Variants in TMOD1 observed in about 807,000 individuals in gnomAD.
TMOD1 encodes the protein tropomodulin-1.
A neutral mutation model predicts 40.6 loss-of-function variants in TMOD1; 17 were observed. The observed-to-expected ratio is 0.42, with a 90% CI of 0.29 to 0.63. The LOEUF (loss-of-function observed/expected upper bound fraction) is 0.63. Ranked by LOEUF, TMOD1 falls within the 20% of genes least tolerant of loss-of-function variation. The pLI, the probability that TMOD1 is intolerant of heterozygous loss-of-function variation, is 0.22. For missense variants in TMOD1, 391 were observed against 447.6 expected, an observed-to-expected ratio of 0.87 and a Z score of 1.14; for synonymous variants, 181 against 175.0, an observed-to-expected ratio of 1.03 and a Z score of -0.27.
At chr9:97,549,906 T>G (rs979111633) in intron 3 of TMOD1, among the ~76,000 whole-genome samples, 2 of 152,146 alleles carry the variant, frequency 1.3e-5, no homozygotes, top group Admixed American at 6.6e-5. Flanking sequence ...TTTTGTAAAT[T>G]GAGGTAAAAC....
In TMOD1 at chr9:97,598,615, C is replaced by G. The variant is rs571218193; in HGVS notation, c.1016-1019C>G. Among the ~76,000 whole-genome samples the G allele has an allele frequency of 2.8e-4, 43 of 152,334 alleles. 1 individual carries two copies. In the South Asian group the frequency reaches 8.7e-3, roughly 31 times the overall value. ...GGTTTTGGTTTTTGTCCCCTCACAT[C>G]TACCCCCAAGAAGTTGGACATTCTG... On this transcript the variant is annotated intron_variant, in intron 9 of 9. Coordinates refer to ENST00000259365, the MANE Select transcript of TMOD1 (RefSeq NM_003275.4).
chr9:97,588,538 G>C (rs79493365), intron 8 of TMOD1, among the ~76,000 whole-genome samples: 1 of 151,992 alleles, frequency 6.6e-6, no homozygotes, highest in African/African-American at 2.4e-5. Context: ...CCCATTCTTT[G>C]TGTTGTCTTT....
rs191370083 is a variant in TMOD1, at chr9:97,601,001, G to A, written c.*1303G>A. 206 of 1,281,072 alleles carry A rather than the reference G, an allele frequency of 1.6e-4. No homozygotes were observed. Among genetic ancestry groups the A allele is most frequent in the Non-Finnish European group, 1.7e-4 (170 of 974,978 alleles). The allele number at this position is 1,281,072 out of a possible 1,614,324, so 79.4% of individuals were successfully genotyped here. A position where few individuals can be genotyped will look rare whatever the true frequency, so the allele number is the denominator to read the frequency against. ...AAGGTCAAGAACTCCAGAGCACTGA[G>A]CAGAGAGGCTGGTGATGAAAAGGTG... On this transcript the variant is annotated 3_prime_UTR_variant, in exon 10 of 10. Coordinates refer to ENST00000259365, the MANE Select transcript of TMOD1 (RefSeq NM_003275.4).
chr9:97,573,577 C>T (rs1302118907), intron 8 of TMOD1, among the ~76,000 whole-genome samples: 1 of 152,186 alleles, frequency 6.6e-6, no homozygotes, highest in African/African-American at 2.4e-5. Flanking sequence ...CATGTATTAA[C>T]TCACCATTTC....
At chr9:97,563,913 C>A (rs181541856) in intron 5 of TMOD1, 125 bp from the exon 6 acceptor site, 184 of 1,282,962 alleles carry the variant, frequency 1.4e-4, no homozygotes, top group Non-Finnish European at 1.9e-4. Context: ...CCCCACCCAG[C>A]CCCTGTGATG....
chr9:97,510,190 G>A (rs2131207696), intron 1 of TMOD1, among the ~76,000 whole-genome samples: 1 of 152,032 alleles, frequency 6.6e-6, no homozygotes, highest in African/African-American at 2.4e-5. Flanking sequence ...TTTGTAAAAT[G>A]GAGAATGAGG....
In TMOD1 at chr9:97,600,642, T is replaced by G; in HGVS notation, c.*944T>G. The G allele has an allele frequency of 1.0e-6, 1 of 989,954 alleles. No individual in the cohort carries two copies. Among genetic ancestry groups the G allele is most frequent in the Non-Finnish European group, 1.2e-6 (1 of 832,808 alleles). The allele number at this position is 989,954 out of a possible 1,614,324, so 61.3% of individuals were successfully genotyped here. On this transcript the variant is annotated 3_prime_UTR_variant, in exon 10 of 10. Coordinates refer to ENST00000259365, the MANE Select transcript of TMOD1 (RefSeq NM_003275.4). Reference sequence around the variant, plus strand: ...CCAGCTTAGAGACTTCAGCTACTGATCTCATCACTTATTAGACAAATTGCT... The same window carrying G: ...CCAGCTTAGAGACTTCAGCTACTGAGCTCATCACTTATTAGACAAATTGCT...
rs75553738 is a variant in TMOD1, at chr9:97,509,111, C to T, written c.-49+7308C>T. ...CCAGATGGAATCAACCCTGCTGACA[C>T]CTCGATTTTGGACTTCTGGTCCTCT... On this transcript the variant is annotated intron_variant, in intron 1 of 9. Transcript: ENST00000259365. 9.1e-3 allele frequency among the ~76,000 whole-genome samples: 1,383 copies of T among 152,276 alleles called. 40 individuals carry two copies. The East Asian group carries it at 0.1, about 11-fold the overall frequency.
chr9:97,562,088 T>TG lies in TMOD1; in HGVS notation c.398-641dup, dbSNP rs537671562. Reference sequence around the variant, plus strand: ...CAGAGCCTAGCACACAGTGCTGGGGTGGGCCTCATTACATGTTGAACAAAT... The same window carrying TG: ...CAGAGCCTAGCACACAGTGCTGGGGTGGGGCCTCATTACATGTTGAACAAAT... On this transcript the variant is annotated intron_variant, in intron 4 of 9. Transcript: ENST00000259365. Among the ~76,000 whole-genome samples, 20 of 152,134 alleles carry TG rather than the reference T, an allele frequency of 1.3e-4. No individual in the cohort carries two copies. In the East Asian group the frequency reaches 3.1e-3, roughly 24 times the overall value.
chr9:97,587,425 G>A (rs1825903595), intron 8 of TMOD1, among the ~76,000 whole-genome samples: 2 of 152,164 alleles, frequency 1.3e-5, no homozygotes, highest in African/African-American at 2.4e-5. Flanking sequence ...TGATAGGTAT[G>A]TAGTGATATC....
At chr9:97,579,583 G>A (rs965767167) in intron 8 of TMOD1, among the ~76,000 whole-genome samples, 2 of 152,196 alleles carry the variant, frequency 1.3e-5, no homozygotes, top group Non-Finnish European at 2.9e-5. Flanking sequence ...ACTGTGCCCG[G>A]CTACCAGTGG....
chr9:97,559,879 G>A (rs1830611589), intron 4 of TMOD1, among the ~76,000 whole-genome samples: 1 of 139,420 alleles, frequency 7.2e-6, no homozygotes, highest in Non-Finnish European at 1.5e-5. Context: ...GTTGGTCCAG[G>A]ATGGAGAGAG....
Position 97,559,772 on chromosome 9 carries a change from TAA to T in TMOD1, c.398-2938_398-2937del, listed in dbSNP as rs58522887. Among the ~76,000 whole-genome samples, 283 of 36,850 alleles carry T rather than the reference TAA, an allele frequency of 7.7e-3. 5 individuals are homozygous for T. The highest frequency in any genetic ancestry group is 0.045 in the Middle Eastern group (3 of 66). The allele number at this position is 36,850 out of a possible 152,430, so 24.2% of individuals were successfully genotyped here. A position where few individuals can be genotyped will look rare whatever the true frequency, so the allele number is the denominator to read the frequency against. On this transcript the variant is annotated intron_variant, in intron 4 of 9. Transcript: ENST00000259365. The stretch of plus-strand genomic sequence containing the variant: ...AGAGCGAGACTCCGCCTCAAAAATT[TAA>T]AAAAAAAAAAAAAAAAAAAAATATA...
chr9:97,577,630 A>G (rs1825640812), intron 8 of TMOD1, among the ~76,000 whole-genome samples: 1 of 151,882 alleles, frequency 6.6e-6, no homozygotes, highest in Admixed American at 6.6e-5. Context: ...TCTACTAAAA[A>G]TACAAAAATT....
At chr9:97,510,470 A>C (rs543803723) in intron 1 of TMOD1, among the ~76,000 whole-genome samples, 2 of 152,312 alleles carry the variant, frequency 1.3e-5, no homozygotes, top group South Asian at 2.1e-4. Context: ...ACCTCAGGGG[A>C]TCCACCCACG....
rs556557740 is a variant in TMOD1 at position 97,514,407 on chromosome 9, C to T, written c.-48-9734C>T. ...TGTTGGGATTACAGGCGTGAACCAC[C>T]GCACCTGGCCGAAATTCTTAATAAT... On this transcript the variant is annotated intron_variant, in intron 1 of 9. Coordinates refer to ENST00000259365, the MANE Select transcript of TMOD1 (RefSeq NM_003275.4). 5.9e-5 allele frequency among the ~76,000 whole-genome samples: 9 copies of T among 152,078 alleles called. No homozygotes were observed. In the East Asian group the frequency reaches 7.7e-4, roughly 13 times the overall value.
chr9:97,597,139 G>C (rs1215626270), intron 9 of TMOD1, among the ~76,000 whole-genome samples: 2 of 152,232 alleles, frequency 1.3e-5, no homozygotes, highest in African/African-American at 4.8e-5. Flanking sequence ...GACGACTGGA[G>C]AGCCCTTCTG....
chr9:97,564,319 C>A, intron 6 of TMOD1, 151 bp downstream of exon 6: 1 of 1,055,590 alleles, frequency 9.5e-7, no homozygotes, highest in Non-Finnish European at 1.3e-6. Flanking sequence ...GGGACAAAAC[C>A]TTTGCAAATG....
intron 1 of TMOD1, among the ~76,000 whole-genome samples, chr9:97,509,225 C>T (rs913346469): frequency 6.6e-6 from 1 of 152,174 alleles, no homozygotes; most frequent in African/African-American, 2.4e-5. Flanking sequence ...ACATAGTCTG[C>T]ACTTCTTCAT....
Sources: allele counts gnomAD v4.1 joint callset (sites outside exome capture counted in the v4.1 genomes callset), GRCh38; gene constraint gnomAD v4.1.1; transcripts MANE v1.5; gene names NCBI Gene and HGNC (gene_info 2026-07-23, HGNC 2026-07-21).